The following CDH9 variants were observed in gnomAD, a reference collection of about 807,000 sequenced individuals.
The protein encoded by CDH9 is cadherin-9.
CDH9 carries 28 observed loss-of-function variants against 70.9 expected under a neutral mutation model. The ratio of observed to expected loss-of-function variants is 0.40; its 90% CI spans 0.29 to 0.54. The LOEUF (loss-of-function observed/expected upper bound fraction) is 0.54. CDH9 is among the 20% of genes least tolerant of loss of function. The pLI is 0.59. For synonymous variants in CDH9, 409 were observed against 343.1 expected (o/e 1.19, Z -2.12); for missense variants, 874 against 984.4 (o/e 0.89, Z 1.50).
At chr5:26,898,030 C>T (rs1309158957) in intron 7 of CDH9, among the ~76,000 whole-genome samples, 2 of 152,036 alleles carry the variant, frequency 1.3e-5, no homozygotes, top group African/African-American at 4.8e-5. Flanking sequence ...ACACCAATAA[C>T]AGACAAACAG....
At chr5:26,939,570 T>A (rs1037259231) in intron 2 of CDH9, among the ~76,000 whole-genome samples, 1 of 151,878 alleles carries the variant, frequency 6.6e-6, no homozygotes, top group African/African-American at 2.4e-5. Context: ...AATAGAAATA[T>A]TAACTCCTAA....
At chr5:26,926,520 G>A (rs894914222) in intron 2 of CDH9, among the ~76,000 whole-genome samples, 1 of 151,940 alleles carries the variant, frequency 6.6e-6, no homozygotes, top group Non-Finnish European at 1.5e-5. Context: ...TACTGCCCAA[G>A]GTAATGTATA....
chr5:27,028,127 C>G (rs1743251643), intron 1 of CDH9: 2 of 152,040 alleles, frequency 1.3e-5, no homozygotes, highest in African/African-American at 4.8e-5. Context: ...GCCTGTAATC[C>G]TAGCACTTTG....
chr5:27,005,177 T>G (rs943018790), intron 1 of CDH9, among the ~76,000 whole-genome samples: 1 of 152,072 alleles, frequency 6.6e-6, no homozygotes, highest in Admixed American at 6.6e-5. Context: ...CAATTCTTTT[T>G]CAAATTAATT....
intron 2 of CDH9, among the ~76,000 whole-genome samples, chr5:26,941,698 A>G (rs1182403791): frequency 6.6e-6 from 1 of 152,236 alleles, no homozygotes; most frequent in Admixed American, 6.5e-5. Context: ...TTGGGTAGTG[A>G]TCAGCAGATA....
rs550980358 is a variant in CDH9 at position 26,980,402 on chromosome 5, A to G, written c.228+7704T>C. On this transcript the variant is annotated intron_variant, in intron 2 of 11. Transcript: ENST00000231021. ...ACGAATTAGAATATTTACTGAGTAAATTTTACTAAGTGTATACTCAATTGT... is the reference window on the plus strand; with the variant it reads ...ACGAATTAGAATATTTACTGAGTAAGTTTTACTAAGTGTATACTCAATTGT... Among the ~76,000 whole-genome samples, 11 of 152,002 alleles carry G rather than the reference A, an allele frequency of 7.2e-5. No individual in the cohort carries two copies. The East Asian group carries it at 1.7e-3, about 24-fold the overall frequency.
At chr5:26,922,008 A>T (rs1366698173) in intron 2 of CDH9, among the ~76,000 whole-genome samples, 1 of 142,192 alleles carries the variant, frequency 7.0e-6, no homozygotes, top group Non-Finnish European at 1.5e-5. Context: ...AGGCTATTTG[A>T]AAAAACACAA....
At chr5:26,898,341 AC>A (rs1380811801) in intron 7 of CDH9, among the ~76,000 whole-genome samples, 2 of 152,294 alleles carry the variant, frequency 1.3e-5, no homozygotes, top group East Asian at 1.9e-4. Context: ...TTCATATGGA[AC>A]CAAAAAAGAG....
intron 2 of CDH9, among the ~76,000 whole-genome samples, chr5:26,956,820 C>T (rs1239017461): frequency 6.6e-6 from 1 of 152,070 alleles, no homozygotes; most frequent in Non-Finnish European, 1.5e-5. Flanking sequence ...TATGGGATCA[C>T]AGATTAGACT....
chr5:26,884,806 A>T (rs1482015046), intron 11 of CDH9, among the ~76,000 whole-genome samples: 1 of 152,106 alleles, frequency 6.6e-6, no homozygotes, highest in Non-Finnish European at 1.5e-5. Context: ...TTTGATAGAA[A>T]CAATTTTTTG....
intron 2 of CDH9, among the ~76,000 whole-genome samples, chr5:26,951,032 G>A (rs1055942039): frequency 5.3e-5 from 8 of 152,168 alleles, no homozygotes; most frequent in Middle Eastern, 3.4e-3. Flanking sequence ...GCTGGCTCGC[G>A]CCTGTAATCC....
Position 26,882,873 on chromosome 5 carries a change from C to T in CDH9, c.1883-1250G>A, listed in dbSNP as rs575583891. Among the ~76,000 whole-genome samples the T allele has an allele frequency of 2.6e-5, 4 of 151,082 alleles. No homozygotes were observed. The South Asian group carries it at 6.3e-4, about 24-fold the overall frequency. On this transcript the variant is annotated intron_variant, in intron 11 of 11. Transcript: ENST00000231021. ...CTACACTTCAACATGGCCCGTGAGG[C>T]CCCTATAACTACACTAAAGCCCTGT...
chr5:26,910,570 A>C (rs921266170), intron 3 of CDH9, among the ~76,000 whole-genome samples: 3 of 152,158 alleles, frequency 2.0e-5, no homozygotes, highest in African/African-American at 7.2e-5. Flanking sequence ...GGAGTGGTTG[A>C]TAGAATGGTA....
chr5:27,009,953 C>T (rs1428654), intron 1 of CDH9, among the ~76,000 whole-genome samples: 38 of 152,136 alleles, frequency 2.5e-4, no homozygotes, highest in African/African-American at 8.9e-4. Flanking sequence ...AGGTGAGACA[C>T]AGCTTTAACG....
rs937589477 is a variant in CDH9, at chr5:26,880,905, C to T, written c.*231G>A. 3.1e-5 allele frequency: 11 copies of T among 355,156 alleles called. No homozygotes were observed. The highest frequency in any genetic ancestry group is 5.1e-5 in the Non-Finnish European group (10 of 197,836). The allele number at this position is 355,156 out of a possible 1,614,324, so 22.0% of individuals were successfully genotyped here. On this transcript the variant is annotated 3_prime_UTR_variant, in exon 12 of 12. Coordinates refer to ENST00000231021, the MANE Select transcript of CDH9 (RefSeq NM_016279.4). ...TTATTGATGTGATATATTTTCCTTC[C>T]GAGATTGTTAGGCAAAGAGGGTGAA... is the stretch of plus-strand genomic sequence containing the variant.
At chr5:26,961,397 C>A (rs1288470664) in intron 2 of CDH9, among the ~76,000 whole-genome samples, 1 of 152,076 alleles carries the variant, frequency 6.6e-6, no homozygotes, top group East Asian at 1.9e-4. Context: ...GCCAACATCT[C>A]CCCAATCACC....
At chr5:26,991,079 T>C (rs978491590) in intron 1 of CDH9, among the ~76,000 whole-genome samples, 1 of 152,196 alleles carries the variant, frequency 6.6e-6, no homozygotes, top group Non-Finnish European at 1.5e-5. Context: ...AAAGATCAAC[T>C]GGTGCAGACT....
At position 26,985,452 on chromosome 5, in the gene CDH9, T is replaced by C. The variant is rs116561655; in HGVS notation, c.228+2654A>G. Among the ~76,000 whole-genome samples, 401 of 152,262 alleles carry C rather than the reference T, an allele frequency of 2.6e-3. 2 individuals are homozygous for C. The highest frequency in any genetic ancestry group is 9.1e-3 in the African/African-American group (380 of 41,572). ...GACTAAATCTTATAAGTTGCATGTTTGTGTGTATACATGTATATAATTTAT... is the reference window on the plus strand; with the variant it reads ...GACTAAATCTTATAAGTTGCATGTTCGTGTGTATACATGTATATAATTTAT... On this transcript the variant is annotated intron_variant, in intron 2 of 11. Coordinates refer to ENST00000231021, the MANE Select transcript of CDH9 (RefSeq NM_016279.4).
At position 27,008,489 on chromosome 5, in the gene CDH9, C is replaced by CAA. The variant is rs58699887; in HGVS notation, c.-49-20109_-49-20108dup. 8.5e-3 allele frequency among the ~76,000 whole-genome samples: 1,243 copies of CAA among 147,012 alleles called. 22 individuals carry two copies. The highest frequency in any genetic ancestry group is 0.028 in the African/African-American group (1,106 of 40,148). On this transcript the variant is annotated intron_variant, in intron 1 of 11. Transcript: ENST00000231021. ...TGGGCAACGGAGTGAGACCCTCTTT[C>CAA]AAAAAAAAAAAGTATATGTATAGCA...
Sources: allele counts gnomAD v4.1 joint callset (sites outside exome capture counted in the v4.1 genomes callset), GRCh38; gene constraint gnomAD v4.1.1; transcripts MANE v1.5; gene names NCBI Gene and HGNC (gene_info 2026-07-23, HGNC 2026-07-21).